Variants in PPP2R5A observed in about 807,000 individuals in gnomAD.
PPP2R5A encodes serine/threonine-protein phosphatase 2A 56 kDa regulatory subunit alpha isoform.
Under a neutral mutation model 64.2 loss-of-function variants are expected in PPP2R5A, and 25 were observed. That is an observed-to-expected ratio of 0.39 (90% CI 0.28 to 0.54). The LOEUF (loss-of-function observed/expected upper bound fraction) is 0.54, where lower values mean the gene tolerates loss of function less well. Among genes scored for constraint, PPP2R5A ranks in the 20% least tolerant of loss-of-function variants. The pLI, the probability that PPP2R5A is intolerant of heterozygous loss-of-function variation, is 0.67. For synonymous variants in PPP2R5A, 198 were observed against 201.2 expected, an observed-to-expected ratio of 0.98 and a Z score of 0.13; for missense variants, 425 against 576.3, an observed-to-expected ratio of 0.74 and a Z score of 2.69.
chr1:212,303,253 C>A (rs1658831827), intron 1 of PPP2R5A, among the ~76,000 whole-genome samples: 2 of 152,126 alleles, frequency 1.3e-5, no homozygotes, highest in Non-Finnish European at 2.9e-5. Context: ...ACCAGTACTT[C>A]TTATTTTGAC....
At position 212,360,864 on chromosome 1, in the gene PPP2R5A, T is replaced by G. The variant is rs577211249; in HGVS notation, c.*94T>G. ...CAAAACAAACCTCATCAGTATAATATAATTAAAAGGCCAATTTTTTCTGGC... is the reference window on the plus strand; with the variant it reads ...CAAAACAAACCTCATCAGTATAATAGAATTAAAAGGCCAATTTTTTCTGGC... On this transcript the variant is annotated 3_prime_UTR_variant, in exon 13 of 13. Transcript: ENST00000261461. 215 of 1,258,640 alleles carry G rather than the reference T, an allele frequency of 1.7e-4. No homozygotes were observed. The African/African-American group carries it at 3.1e-3, about 18-fold the overall frequency. The allele number at this position is 1,258,640 out of a possible 1,614,324, so 78.0% of individuals were successfully genotyped here.
rs902932552 is a variant in PPP2R5A, at chr1:212,355,027, C to A, written c.928-1599C>A. Among the ~76,000 whole-genome samples, 74 of 152,242 alleles carry A rather than the reference C, an allele frequency of 4.9e-4. 1 individual carries two copies. Among genetic ancestry groups the A allele is most frequent in the Non-Finnish European group, 1.3e-4 (9 of 68,006 alleles). ...TAATGACACATTTCTTAGAACGTAT[C>A]CCCATCATTAAATGACATATAACTG... On this transcript the variant is annotated intron_variant, in intron 8 of 12. Coordinates refer to ENST00000261461, the MANE Select transcript of PPP2R5A (RefSeq NM_006243.4).
At chr1:212,287,262 A>G (rs999719074) in intron 1 of PPP2R5A, among the ~76,000 whole-genome samples, 1 of 152,228 alleles carries the variant, frequency 6.6e-6, no homozygotes, top group African/African-American at 2.4e-5. Context: ...TTTATGAGAT[A>G]GAAATGTTGG....
intron 2 of PPP2R5A, among the ~76,000 whole-genome samples, chr1:212,330,829 TC>T (rs1042095082): frequency 6.6e-6 from 1 of 152,026 alleles, no homozygotes; most frequent in African/African-American, 2.4e-5. Flanking sequence ...TTGTTTTTTT[TC>T]CTTAGAGAGA....
chr1:212,358,605 A>T, intron 11 of PPP2R5A, 81 bp from the exon 12 acceptor site: 1 of 1,018,666 alleles, frequency 9.8e-7, no homozygotes, highest in Non-Finnish European at 1.5e-6. Context: ...GCCAAGCTTT[A>T]ACCCATTTTA....
intron 1 of PPP2R5A, chr1:212,299,749 G>A (rs896833891): frequency 2.0e-5 from 3 of 151,898 alleles, no homozygotes; most frequent in Admixed American, 6.6e-5. Context: ...ACATAAAGTA[G>A]CAAATATGAC....
intron 1 of PPP2R5A, among the ~76,000 whole-genome samples, chr1:212,316,801 T>C (rs1055504981): frequency 6.6e-6 from 1 of 152,048 alleles, no homozygotes; most frequent in Non-Finnish European, 1.5e-5. Context: ...TTGGGGCTTA[T>C]TGATTATCTG....
At chr1:212,291,286 T>G (rs1658598215) in intron 1 of PPP2R5A, among the ~76,000 whole-genome samples, 1 of 152,110 alleles carries the variant, frequency 6.6e-6, no homozygotes, top group South Asian at 2.1e-4. Flanking sequence ...TTGCCATGGC[T>G]GGTCAGGCTG....
chr1:212,304,323 G>T (rs1351995110), intron 1 of PPP2R5A, among the ~76,000 whole-genome samples: 2 of 152,114 alleles, frequency 1.3e-5, no homozygotes, highest in Admixed American at 1.3e-4. Context: ...GGCCGAGGTG[G>T]GTGGATCACC....
intron 1 of PPP2R5A, among the ~76,000 whole-genome samples, chr1:212,322,286 A>T: frequency 8.3e-6 from 1 of 120,420 alleles, no homozygotes. Context: ...GAGAGGAGGG[A>T]GAGGGAGAGC....
At chr1:212,319,194 A>G (rs1356342470) in intron 1 of PPP2R5A, among the ~76,000 whole-genome samples, 1 of 152,182 alleles carries the variant, frequency 6.6e-6, no homozygotes, top group East Asian at 1.9e-4. Flanking sequence ...TGAGCAAACT[A>G]CTGTGTTGTA....
intron 4 of PPP2R5A, among the ~76,000 whole-genome samples, chr1:212,344,666 T>G (rs1039781413): frequency 3.9e-4 from 60 of 152,000 alleles, no homozygotes; most frequent in African/African-American, 1.3e-3. Context: ...AAATACAGTG[T>G]TTTTTTTGAC....
chr1:212,297,622 G>A (rs903322090), intron 1 of PPP2R5A: 9 of 152,128 alleles, frequency 5.9e-5, no homozygotes, highest in Admixed American at 3.9e-4. Flanking sequence ...AGTATTGAAC[G>A]TAGATTTTTC....
chr1:212,340,520 G>C (rs1045358876), intron 3 of PPP2R5A, among the ~76,000 whole-genome samples: 1 of 152,146 alleles, frequency 6.6e-6, no homozygotes, highest in African/African-American at 2.4e-5. Context: ...TTTTCAGAGC[G>C]CTCTGTGATC....
chr1:212,360,765 G>T lies in PPP2R5A; in HGVS notation c.1456G>T (p.Glu486Ter). 6.6e-7 allele frequency: 1 copy of T among 1,510,980 alleles called. No homozygotes were observed. Among genetic ancestry groups the T allele is most frequent in the South Asian group, 1.4e-5 (1 of 73,110 alleles). The allele number at this position is 1,510,980 out of a possible 1,614,324, so 93.6% of individuals were successfully genotyped here. A position where few individuals can be genotyped will look rare whatever the true frequency, so the allele number is the denominator to read the frequency against. ...CAGTATTCTCAGCAATACAAGTGCC[G>T]AATAAAAAAAAAGCCTCCCACCTCT... Reference protein sequence around the residue: ...MHSILSNTSAE With the variant: ...MHSILSNTSA The change falls in exon 13 of 13, where the codon GAA becomes TAA. Residue 486 changes from glutamate (E) to a stop codon, truncating the protein, a stop_gained. Coordinates refer to ENST00000261461, the MANE Select transcript of PPP2R5A (RefSeq NM_006243.4). LOFTEE classifies it high-confidence loss of function.
At position 212,287,504 on chromosome 1, in the gene PPP2R5A, A is replaced by G. The variant is rs961828028; in HGVS notation, c.181+1213A>G. ...TGACCTACAACAGCTCCAGAACCCT[A>G]TTGAGACCCTACCTTGCCCTGACTC... On this transcript the variant is annotated intron_variant, in intron 1 of 12. Coordinates refer to ENST00000261461, the MANE Select transcript of PPP2R5A (RefSeq NM_006243.4). 3.3e-5 allele frequency among the ~76,000 whole-genome samples: 5 copies of G among 152,208 alleles called. No individual in the cohort carries two copies. In the South Asian group the frequency reaches 1.0e-3, roughly 31 times the overall value.
Position 212,286,001 on chromosome 1 carries a change from C to T in PPP2R5A, c.-110C>T. Reference sequence around the variant, plus strand: ...GGGCCGGAGGGCCGTGGGGCCGGGGCGCAGGGGCGCGAGCACCCCGCGCCT... The same window carrying T: ...GGGCCGGAGGGCCGTGGGGCCGGGGTGCAGGGGCGCGAGCACCCCGCGCCT... On this transcript the variant is annotated 5_prime_UTR_variant, in exon 1 of 13. Transcript: ENST00000261461. 1 of 1,181,232 alleles carries T rather than the reference C, an allele frequency of 8.5e-7. No homozygotes were observed. The highest frequency in any genetic ancestry group is 1.1e-6 in the Non-Finnish European group (1 of 908,366). 73.2% of individuals were successfully genotyped at this position (1,181,232 alleles called of 1,614,324 possible). A position where few individuals can be genotyped will look rare whatever the true frequency, so the allele number is the denominator to read the frequency against.
intron 1 of PPP2R5A, among the ~76,000 whole-genome samples, chr1:212,303,188 A>T (rs2102415558): frequency 6.6e-6 from 1 of 152,296 alleles, no homozygotes; most frequent in Middle Eastern, 3.4e-3. Flanking sequence ...TAGTGGCTGC[A>T]CTATTTTACA....
intron 4 of PPP2R5A, among the ~76,000 whole-genome samples, chr1:212,345,063 G>A (rs1473471508): frequency 6.6e-6 from 1 of 151,880 alleles, no homozygotes; most frequent in East Asian, 1.9e-4. Flanking sequence ...TAGTTGGGAG[G>A]CTGAGGCAGG....
Sources: allele counts gnomAD v4.1 joint callset (sites outside exome capture counted in the v4.1 genomes callset), GRCh38; gene constraint gnomAD v4.1.1; transcripts MANE v1.5; gene names NCBI Gene and HGNC (gene_info 2026-07-23, HGNC 2026-07-21).